Variants in CRYBG2 observed in about 807,000 individuals in gnomAD.
The protein encoded by CRYBG2 is crystallin beta-gamma domain containing 2.
Under a neutral mutation model 153.4 loss-of-function variants are expected in CRYBG2, and 106 were observed. The observed-to-expected ratio is 0.69, with a 90% CI of 0.59 to 0.81. The LOEUF (loss-of-function observed/expected upper bound fraction) is 0.81, where lower values mean the gene tolerates loss of function less well. CRYBG2 is among the 30% of genes least tolerant of loss of function. The probability of loss-of-function intolerance (pLI) is 0.00; values close to 1 mark genes in which losing one functional copy is unlikely to be tolerated. For synonymous variants in CRYBG2, 851 were observed against 877.8 expected, an observed-to-expected ratio of 0.97 and a Z score of 0.54; for missense variants, 1,996 against 2,112.0, an observed-to-expected ratio of 0.95 and a Z score of 1.08.
chr1:26,328,899 T>C, intron 15 of CRYBG2, 26 bp from the exon 16 acceptor site: 3 of 1,611,860 alleles, frequency 1.9e-6, no homozygotes, highest in Non-Finnish European at 2.5e-6. Flanking sequence ...CAGAAGAGGG[T>C]GAGGCTCTGA....
Position 26,345,843 on chromosome 1 carries a change from G to T in CRYBG2, c.815C>A (p.Ala272Glu), listed in dbSNP as rs2074209427. 1 of 1,596,770 alleles carries T rather than the reference G, an allele frequency of 6.3e-7. No homozygotes were observed. Among genetic ancestry groups the T allele is most frequent in the East Asian group, 2.2e-5 (1 of 44,860 alleles). The change falls in exon 2 of 20, where the codon GCA (alanine) becomes GAA (glutamate). Residue 272 changes from alanine (A) to glutamate (E), a missense_variant. Coordinates refer to ENST00000308182, the MANE Select transcript of CRYBG2 (RefSeq NM_001039775.4). ...GGTCTCAGGCAGCTGCCTCAAGGCT[G>T]CCCCCACTGTGCTGCCCAGACCTGT... ...RSTGLGSTVGAALRQLPETGT... is the reference protein window; with the variant it reads ...RSTGLGSTVGEALRQLPETGT...
Position 26,345,923 on chromosome 1 carries a change from C to A in CRYBG2, c.735G>T (p.Gly245=). The change falls in exon 2 of 20, where the codon GGG becomes GGT. Residue 245 remains glycine, a synonymous_variant. Coordinates refer to ENST00000308182, the MANE Select transcript of CRYBG2 (RefSeq NM_001039775.4). ...GCAGGTGACTGGCAGGGGGGCTGTG[C>A]CCAGCAGGCACGAGGTTACTTAGCA... The part of the protein sequence containing the change: ...VKVLSNLVPA[G]HSPPASHLPR... The A allele has an allele frequency of 1.9e-6, 3 of 1,596,690 alleles. No homozygotes were observed. Among genetic ancestry groups the A allele is most frequent in the Non-Finnish European group, 2.5e-6 (3 of 1,178,858 alleles).
chr1:26,346,010 C>A lies in CRYBG2; in HGVS notation c.648G>T (p.Met216Ile). 6.3e-7 allele frequency: 1 copy of A among 1,593,898 alleles called. No homozygotes were observed. The highest frequency in any genetic ancestry group is 1.1e-5 in the South Asian group (1 of 90,668). Residue 216 changes from methionine (M) to isoleucine (I), a missense_variant, in exon 2 of 20, where the codon ATG (methionine) becomes ATT (isoleucine). Coordinates refer to ENST00000308182, the MANE Select transcript of CRYBG2 (RefSeq NM_001039775.4). This position sits in a 1 kb window ranked among gnomAD's most constrained non-coding sequence, Gnocchi z 4.9. ...ALPRGRQVSR[M>I]VPPVVVGSPP... is the part of the protein sequence containing the mutation. The stretch of plus-strand genomic sequence containing the variant: ...GGGAGCCCACCACCACTGGCGGCAC[C>A]ATGCGGGAGACCTGACGGCCCCGTG...
chr1:26,326,924 G>A, intron 17 of CRYBG2: 1 of 488,678 alleles, frequency 2.0e-6, no homozygotes, highest in Non-Finnish European at 4.1e-6. Context: ...GCCTATGGTG[G>A]TTCCAGGTAT....
intron 16 of CRYBG2, 92 bp from the exon 17 acceptor site, chr1:26,328,424 C>G (rs1405640140): frequency 1.3e-6 from 2 of 1,489,210 alleles, no homozygotes; most frequent in East Asian, 5.0e-5. Flanking sequence ...TCAAAACGTT[C>G]TCCACCTCCT....
chr1:26,325,174 T>C lies in CRYBG2; in HGVS notation c.4579-864A>G, dbSNP rs1209827844. On this transcript the variant is annotated intron_variant, in intron 17 of 19. Transcript: ENST00000308182. This position sits in a 1 kb window ranked among gnomAD's most constrained non-coding sequence, Gnocchi z 4.1. ...AAGATTTCTCCCAGCAATGATGTTA[T>C]GAGTCTTGAATACAAGAACTACACA... is the stretch of plus-strand genomic sequence containing the variant. The C allele has an allele frequency of 6.6e-6, 1 of 152,228 alleles. No homozygotes were observed. The highest frequency in any genetic ancestry group is 6.5e-5 in the Admixed American group (1 of 15,280). The allele number at this position is 152,228 out of a possible 1,614,324, so 9.4% of individuals were successfully genotyped here.
intron 19 of CRYBG2, 47 bp downstream of exon 19, chr1:26,322,117 G>C: frequency 6.2e-7 from 1 of 1,600,034 alleles, no homozygotes; most frequent in Non-Finnish European, 8.6e-7. Flanking sequence ...GGACTCCATG[G>C]CTCTCAGCCC....
In CRYBG2 at chr1:26,345,761, A is replaced by G. The variant is rs766763467; in HGVS notation, c.897T>C (p.Ser299=). 6.3e-7 allele frequency: 1 copy of G among 1,597,212 alleles called. No individual in the cohort carries two copies. Among genetic ancestry groups the G allele is most frequent in the African/African-American group, 1.3e-5 (1 of 74,904 alleles). Residue 299 remains serine (S), a synonymous_variant, in exon 2 of 20, where the codon AGT becomes AGC. Coordinates refer to ENST00000308182, the MANE Select transcript of CRYBG2 (RefSeq NM_001039775.4). ...SALASTGIPA[S]AHLPKNQDAP... is the part of the protein sequence containing the mutation. ...CATCCTGATTCTTAGGCAGGTGAGC[A>G]CTGGCTGGGATGCCTGTAGAGGCCA...
intron 1 of CRYBG2, among the ~76,000 whole-genome samples, chr1:26,350,241 C>A (rs1486308332): frequency 2.0e-5 from 3 of 152,160 alleles, no homozygotes; most frequent in Admixed American, 2.0e-4. Context: ...ACCAGATGCA[C>A]CCCCTTGACC....
rs760120484 is a variant in CRYBG2, at chr1:26,336,191, C to A, written c.4088G>T (p.Arg1363Leu). The change falls in exon 14 of 20, where the codon CGC (arginine) becomes CTC (leucine). Residue 1363 changes from arginine to leucine, a missense_variant. Transcript: ENST00000308182. This position sits in a 1 kb window ranked among gnomAD's most constrained non-coding sequence, Gnocchi z 4.9. ...HFVSKIQLFS[R>L]PDFLGDHFSF... is the part of the protein sequence containing the mutation. ...GAAGTGGTCGCCCAGAAAGTCGGGG[C>A]GGGAGAAAAGCTGAATCTGGAGGCA... The A allele has an allele frequency of 7.7e-6, 12 of 1,550,310 alleles. No individual in the cohort carries two copies. In the East Asian group the frequency reaches 2.9e-4, roughly 37 times the overall value.
rs1324639888 is a variant in CRYBG2 at position 26,325,889 on chromosome 1, C to T, written c.4579-1579G>A. On this transcript the variant is annotated intron_variant, in intron 17 of 19. Coordinates refer to ENST00000308182, the MANE Select transcript of CRYBG2 (RefSeq NM_001039775.4). This position sits in a 1 kb window ranked among gnomAD's most constrained non-coding sequence, Gnocchi z 4.1. ...AGTGGGTGGTCCATGAGATCACTTT[C>T]AGTCCTATGTGGCTAAACTATTTTT... 6.6e-6 allele frequency among the ~76,000 whole-genome samples: 1 copy of T among 152,182 alleles called. No individual in the cohort carries two copies. The highest frequency in any genetic ancestry group is 1.5e-5 in the Non-Finnish European group (1 of 68,034).
chr1:26,335,518 CCAGGCACGG>C (rs576114860), intron 14 of CRYBG2, among the ~76,000 whole-genome samples: 1 of 152,122 alleles, frequency 6.6e-6, no homozygotes, highest in African/African-American at 2.4e-5. Context: ...CTGGGGTCGG[CCAGGCACGG>C]TGGCTCATGC....
At chr1:26,328,375 A>G (rs767099897) in intron 16 of CRYBG2, 43 bp from the exon 17 acceptor site, 4 of 1,549,386 alleles carry the variant, frequency 2.6e-6, no homozygotes, top group Non-Finnish European at 3.5e-6. Flanking sequence ...GAGCACAGAC[A>G]CACAGACAGA....
At chr1:26,339,505 T>C (rs1454322242) in intron 5 of CRYBG2, 76 bp from the exon 6 acceptor site, 40 of 1,536,932 alleles carry the variant, frequency 2.6e-5, no homozygotes, top group Admixed American at 3.7e-5. Context: ...CCCAGCACTT[T>C]GGGAGGCCGA....
At chr1:26,353,532 C>T (rs2074307652) in intron 1 of CRYBG2, among the ~76,000 whole-genome samples, 6 of 152,306 alleles carry the variant, frequency 3.9e-5, no homozygotes, top group African/African-American at 2.4e-5. Flanking sequence ...GTCACTGAGA[C>T]GTAATTAATA....
chr1:26,335,077 G>T (rs1372883293), intron 14 of CRYBG2, among the ~76,000 whole-genome samples: 2 of 149,988 alleles, frequency 1.3e-5, no homozygotes, highest in Admixed American at 1.3e-4. Context: ...CCACTAAAAA[G>T]AACCAGGGTT....
At position 26,322,052 on chromosome 1, in the gene CRYBG2, G is replaced by T; in HGVS notation, c.4902C>A (p.Gly1634=). The T allele has an allele frequency of 6.2e-7, 1 of 1,606,252 alleles. No individual in the cohort carries two copies. Among genetic ancestry groups the T allele is most frequent in the East Asian group, 2.2e-5 (1 of 44,618 alleles). ...CCACGTGGTCCCGGTCGTAGCCCCG[G>T]CCTCCTGGGGGTGGGATGGGGATTA... ...FEGQILDVKG[G]RGYDRDHVVL... Residue 1634 remains glycine (G), a synonymous_variant, in exon 20 of 20, where the codon GGC becomes GGA. Coordinates refer to ENST00000308182, the MANE Select transcript of CRYBG2 (RefSeq NM_001039775.4).
chr1:26,322,025 C>A lies in CRYBG2; in HGVS notation c.4929G>T (p.Val1643=). 1 of 1,607,426 alleles carries A rather than the reference C, an allele frequency of 6.2e-7. No homozygotes were observed. The stretch of plus-strand genomic sequence containing the variant: ...CCCTGTCCTCATCCGGCTCCCATAG[C>A]ACCACGTGGTCCCGGTCGTAGCCCC... The part of the protein sequence containing the change: ...GGRGYDRDHV[V]LWEPDEDRAS... Residue 1643 remains valine (V), a synonymous_variant, in exon 20 of 20, where the codon GTG becomes GTT. Coordinates refer to ENST00000308182, the MANE Select transcript of CRYBG2 (RefSeq NM_001039775.4).
At position 26,345,562 on chromosome 1, in the gene CRYBG2, G is replaced by A. The variant is rs758494127; in HGVS notation, c.1096C>T (p.Leu366=). 1.2e-6 allele frequency: 2 copies of A among 1,605,624 alleles called. No homozygotes were observed. The highest frequency in any genetic ancestry group is 3.3e-5 in the Admixed American group (2 of 59,902). ...RLETHVPSPG[L]THPAKQPVVP... ...ACAGGCTGCTTTGCAGGGTGAGTTAGGCCAGGAGAGGGGACATGGGTCTCG... is the reference window on the plus strand; with the variant it reads ...ACAGGCTGCTTTGCAGGGTGAGTTAAGCCAGGAGAGGGGACATGGGTCTCG... Residue 366 remains leucine, a synonymous_variant, in exon 2 of 20, where the codon CTA becomes TTA. Transcript: ENST00000308182.
Sources: gnomAD v4.1 joint callset for allele counts (sites outside exome capture counted in the v4.1 genomes callset) on GRCh38, gnomAD v4.1.1 for gene constraint, Gnocchi (gnomAD v3.1) non-coding constraint, MANE v1.5 for transcripts, NCBI Gene and HGNC (gene_info 2026-07-23, HGNC 2026-07-21) for gene names.